NKAIN4: variants seen among roughly 807,000 people sequenced by gnomAD.
NKAIN4 encodes the protein sodium/potassium transporting ATPase interacting 4.
NKAIN4 carries 28 observed loss-of-function variants against 28.8 expected under a neutral mutation model. The ratio of observed to expected loss-of-function variants is 0.97; its 90% CI spans 0.72 to 1.33. The LOEUF (loss-of-function observed/expected upper bound fraction) is 1.33. Among genes scored for constraint, NKAIN4 ranks in the 40% most tolerant of loss-of-function variants. The pLI is 0.00. For synonymous variants in NKAIN4, 122 were observed against 115.6 expected, an observed-to-expected ratio of 1.06 and a Z score of -0.36; for missense variants, 289 against 277.2, an observed-to-expected ratio of 1.04 and a Z score of -0.30.
At position 63,252,199 on chromosome 20, in the gene NKAIN4, G is replaced by A. The variant is rs1178715874; in HGVS notation, c.55-2127C>T. On this transcript the variant is annotated intron_variant, in intron 1 of 6. Coordinates refer to ENST00000370316, the MANE Select transcript of NKAIN4 (RefSeq NM_152864.4). The surrounding 1 kb of genome is among the most constrained non-coding windows in gnomAD (Gnocchi z 4.6). ...GGCTCAGGGCTCCATGACATGTGGC[G>A]ACATGCATGAGCAGGGAGGCTCATG... Among the ~76,000 whole-genome samples, 6 of 152,122 alleles carry A rather than the reference G, an allele frequency of 3.9e-5. No individual in the cohort carries two copies. The highest frequency in any genetic ancestry group is 2.1e-4 in the South Asian group (1 of 4,824).
intron 2 of NKAIN4, among the ~76,000 whole-genome samples, chr20:63,249,700 T>C (rs1041675601): frequency 2.0e-5 from 3 of 152,080 alleles, no homozygotes; most frequent in Non-Finnish European, 2.9e-5. Context: ...GTTCAGTGCC[T>C]GGGGCCCCCC....
rs368485118 is a variant in NKAIN4 at position 63,250,442 on chromosome 20, A to G, written c.55-370T>C. On this transcript the variant is annotated intron_variant, in intron 1 of 6. Coordinates refer to ENST00000370316, the MANE Select transcript of NKAIN4 (RefSeq NM_152864.4). ...GGAACACCAGGGGCTGCTCTAAATC[A>G]CGAACTGTGGGGCCAGGTGACAGAC... 4.9e-4 allele frequency among the ~76,000 whole-genome samples: 74 copies of G among 152,126 alleles called. No individual in the cohort carries two copies. In the South Asian group the frequency reaches 0.014, roughly 29 times the overall value.
In NKAIN4 at chr20:63,245,611, C is replaced by A. The variant is rs1187973894; in HGVS notation, c.472-1527G>T. 6.6e-6 allele frequency among the ~76,000 whole-genome samples: 1 copy of A among 152,144 alleles called. No homozygotes were observed. The highest frequency in any genetic ancestry group is 1.9e-4 in the East Asian group (1 of 5,184). On this transcript the variant is annotated intron_variant, in intron 4 of 6. Transcript: ENST00000370316. The surrounding 1 kb of genome is among the most constrained non-coding windows in gnomAD (Gnocchi z 4.7). ...GGATCTGCAGGCCCCGCACCCCAAC[C>A]CCCAGAGCCTGGCCTTGTCAGACGA...
intron 4 of NKAIN4, 60 bp from the exon 5 acceptor site, chr20:63,244,144 G>T: frequency 2.0e-6 from 3 of 1,519,970 alleles, no homozygotes; most frequent in Non-Finnish European, 1.8e-6. Context: ...GGGTGTCATT[G>T]AGGCGATGTG....
At chr20:63,243,004 G>A (rs1280993433) in intron 5 of NKAIN4, among the ~76,000 whole-genome samples, 1 of 152,214 alleles carries the variant, frequency 6.6e-6, no homozygotes, top group Non-Finnish European at 1.5e-5. Context: ...GCTGCACCGT[G>A]TTCCGCCCAC....
chr20:63,254,495 C>T (rs928695892), upstream of NKAIN4: 128 of 1,255,678 alleles, frequency 1.0e-4, no homozygotes, highest in Non-Finnish European at 1.2e-4. Flanking sequence ...CGCGCTCGGC[C>T]CCCGCCCCCG....
intron 5 of NKAIN4, among the ~76,000 whole-genome samples, chr20:63,243,583 G>A (rs557607606): frequency 6.6e-6 from 1 of 152,298 alleles, no homozygotes; most frequent in East Asian, 1.9e-4. Flanking sequence ...GAAAGCTGAC[G>A]GGCTGGCGAG....
At chr20:63,250,966 G>A (rs1415792196) in intron 1 of NKAIN4, among the ~76,000 whole-genome samples, 1 of 148,946 alleles carries the variant, frequency 6.7e-6, no homozygotes, top group Non-Finnish European at 1.5e-5. Flanking sequence ...AAGACACCTG[G>A]GCCCGGGGGA....
chr20:63,246,017 T>C (rs1290655813), intron 4 of NKAIN4, among the ~76,000 whole-genome samples: 2 of 151,418 alleles, frequency 1.3e-5, no homozygotes, highest in East Asian at 3.9e-4. Flanking sequence ...AAGCTCTGCC[T>C]CCCGGGTTCA....
chr20:63,254,496 C>T, upstream of NKAIN4: 3 of 1,257,878 alleles, frequency 2.4e-6, no homozygotes, highest in Non-Finnish European at 1.0e-6. Flanking sequence ...GCGCTCGGCC[C>T]CCGCCCCCGC....
chr20:63,241,638 G>T, intron 6 of NKAIN4, 132 bp from the exon 7 acceptor site: 1 of 789,120 alleles, frequency 1.3e-6, no homozygotes. Context: ...GCCTTTGGCA[G>T]AAAGGAGATG....
In NKAIN4 at chr20:63,248,351, G is replaced by A. The variant is rs563050377; in HGVS notation, c.273+464C>T. On this transcript the variant is annotated intron_variant, in intron 3 of 6. Transcript: ENST00000370316. ...GCCCCCACCCTGTTTCCCCTGAACA[G>A]CCTCGGTCAGGGTCGGCTCAGCGAT... 78 of 181,088 alleles carry A rather than the reference G, an allele frequency of 4.3e-4. 2 individuals are homozygous for A. The South Asian group carries it at 4.4e-3, about 10-fold the overall frequency. 11.2% of individuals were successfully genotyped at this position (181,088 alleles called of 1,614,324 possible). A position where few individuals can be genotyped will look rare whatever the true frequency, so the allele number is the denominator to read the frequency against.
chr20:63,247,782 G>C lies in NKAIN4; in HGVS notation c.274-7C>G, dbSNP rs1280868763. 6.9e-7 allele frequency: 1 copy of C among 1,447,634 alleles called. No homozygotes were observed. The highest frequency in any genetic ancestry group is 1.4e-5 in the African/African-American group (1 of 70,218). 89.7% of individuals were successfully genotyped at this position (1,447,634 alleles called of 1,614,324 possible). A position where few individuals can be genotyped will look rare whatever the true frequency, so the allele number is the denominator to read the frequency against. On this transcript the variant is annotated splice_region_variant and splice_polypyrimidine_tract_variant and intron_variant, in intron 3 of 6. Transcript: ENST00000370316. ...AGGTCAGTAGCTCGCTGTCCTAGGG[G>C]AGAGGTGCAGGAGCAGGGCCGGTTA...
chr20:63,247,169 G>T (rs2066873551), intron 4 of NKAIN4: 1 of 1,125,782 alleles, frequency 8.9e-7, no homozygotes, highest in Non-Finnish European at 1.1e-6. Context: ...CACTTCCTGT[G>T]ACCGGCATGG....
chr20:63,242,727 G>T, intron 5 of NKAIN4, 104 bp from the exon 6 acceptor site: 1 of 791,038 alleles, frequency 1.3e-6, no homozygotes. Flanking sequence ...GGGTCCCTGG[G>T]GGCACAGACA....
intron 4 of NKAIN4, chr20:63,244,568 A>C: frequency 2.1e-6 from 1 of 470,936 alleles, no homozygotes; most frequent in Non-Finnish European, 4.4e-6. Flanking sequence ...GGCAAAGTGC[A>C]GGAGAGACAG....
rs1294358384 is a variant in NKAIN4 at position 63,245,103 on chromosome 20, C to T, written c.472-1019G>A. On this transcript the variant is annotated intron_variant, in intron 4 of 6. Transcript: ENST00000370316. The surrounding 1 kb of genome is among the most constrained non-coding windows in gnomAD (Gnocchi z 4.7). ...ATGCTTGGGCTCCGTCCCCCCGACC[C>T]CCGACCCCATCTGGTACAGGCAAGT... 1.3e-5 allele frequency among the ~76,000 whole-genome samples: 2 copies of T among 152,150 alleles called. No individual in the cohort carries two copies. Among genetic ancestry groups the T allele is most frequent in the African/African-American group, 4.8e-5 (2 of 41,434 alleles).
intron 6 of NKAIN4, 121 bp downstream of exon 6, chr20:63,242,414 TGGAC>T: frequency 1.3e-6 from 1 of 740,856 alleles, no homozygotes; most frequent in South Asian, 1.5e-5. Context: ...AGTGGATGGA[TGGAC>T]GGATGGATGG....
chr20:63,247,476 G>A (rs1389739462), intron 4 of NKAIN4, 102 bp downstream of exon 4: 4 of 1,547,818 alleles, frequency 2.6e-6, no homozygotes, highest in Non-Finnish European at 3.5e-6. Context: ...ACACGCCTGA[G>A]GCCAGGTCAG....
Sources: allele counts gnomAD v4.1 joint callset (sites outside exome capture counted in the v4.1 genomes callset), GRCh38; gene constraint gnomAD v4.1.1; non-coding constraint Gnocchi (gnomAD v3.1); transcripts MANE v1.5; gene names NCBI Gene and HGNC (gene_info 2026-07-23, HGNC 2026-07-21).